Variants in IL23R observed in about 807,000 individuals in gnomAD.
The protein encoded by IL23R is interleukin 23 receptor.
A neutral mutation model predicts 56.9 loss-of-function variants in IL23R; 34 were observed. That is an observed-to-expected ratio of 0.60 (90% CI 0.45 to 0.80). The LOEUF (loss-of-function observed/expected upper bound fraction) is 0.80, where lower values mean the gene tolerates loss of function less well. Among genes scored for constraint, IL23R ranks in the 30% least tolerant of loss-of-function variants. The pLI, the probability that IL23R is intolerant of heterozygous loss-of-function variation, is 0.00. For synonymous variants in IL23R, 230 were observed against 249.2 expected, an observed-to-expected ratio of 0.92 and a Z score of 0.73; for missense variants, 635 against 730.0, an observed-to-expected ratio of 0.87 and a Z score of 1.50.
chr1:67,171,496 G>A (rs753316979), intron 3 of IL23R, among the ~76,000 whole-genome samples: 2 of 152,134 alleles, frequency 1.3e-5, no homozygotes, highest in African/African-American at 2.4e-5. Flanking sequence ...TGTAAGGTAG[G>A]AACAAGAAAT....
chr1:67,139,676 C>A (rs1646617004), intron 1 of IL23R, among the ~76,000 whole-genome samples: 1 of 152,164 alleles, frequency 6.6e-6, no homozygotes, highest in African/African-American at 2.4e-5. Flanking sequence ...ACTTTAATCT[C>A]CAGTGTGGCA....
chr1:67,191,983 A>G (rs1647785763), intron 4 of IL23R, among the ~76,000 whole-genome samples: 1 of 152,174 alleles, frequency 6.6e-6, no homozygotes, highest in Admixed American at 6.5e-5. Context: ...AAAAGACACT[A>G]GGGAAGATTA....
At chr1:67,175,035 C>G (rs1646989992) in intron 3 of IL23R, among the ~76,000 whole-genome samples, 1 of 151,820 alleles carries the variant, frequency 6.6e-6, no homozygotes. Flanking sequence ...TGTTCATTCC[C>G]AAAGGCACAC....
chr1:67,146,456 A>G (rs1646680545), intron 1 of IL23R, among the ~76,000 whole-genome samples: 1 of 152,028 alleles, frequency 6.6e-6, no homozygotes, highest in African/African-American at 2.4e-5. Flanking sequence ...AGCCTTTAAT[A>G]TTTACCCATA....
chr1:67,259,678 A>G lies in IL23R; in HGVS notation c.*550A>G, dbSNP rs1653134494. 1 of 159,878 alleles carries G rather than the reference A, an allele frequency of 6.3e-6. No individual in the cohort carries two copies. Among genetic ancestry groups the G allele is most frequent in the African/African-American group, 2.4e-5 (1 of 41,466 alleles). The allele number at this position is 159,878 out of a possible 1,614,324, so 9.9% of individuals were successfully genotyped here. ...GAAAATTTTCCTTTAAAATAGAATC[A>G]TTAGGCCAGGCGTGGTGGCTCATGC... On this transcript the variant is annotated 3_prime_UTR_variant, in exon 11 of 11. Transcript: ENST00000347310.
chr1:67,200,595 G>C, intron 4 of IL23R, 142 bp from the exon 5 acceptor site: 1 of 686,882 alleles, frequency 1.5e-6, no homozygotes. Context: ...ATGTTGGCCA[G>C]GCTGGTCTCG....
At chr1:67,222,027 T>C (rs570807519) in intron 7 of IL23R, among the ~76,000 whole-genome samples, 1 of 148,996 alleles carries the variant, frequency 6.7e-6, no homozygotes, top group Non-Finnish European at 1.5e-5. Flanking sequence ...TAAAAATAAA[T>C]AGAAATTAAA....
intron 8 of IL23R, among the ~76,000 whole-genome samples, chr1:67,238,706 T>C (rs905544896): frequency 7.9e-5 from 12 of 152,200 alleles, no homozygotes; most frequent in African/African-American, 2.9e-4. Context: ...TAGACCCCTT[T>C]GCCGAGCACT....
upstream of IL23R, among the ~76,000 whole-genome samples, chr1:67,166,096 AT>A: frequency 6.6e-6 from 1 of 152,364 alleles, no homozygotes; most frequent in East Asian, 1.9e-4. Context: ...CATCAATTAT[AT>A]TTCAACAAAG....
intron 5 of IL23R, among the ~76,000 whole-genome samples, chr1:67,201,708 A>T (rs1233875744): frequency 1.3e-5 from 2 of 152,182 alleles, no homozygotes; most frequent in Non-Finnish European, 2.9e-5. Context: ...GAAAAGTTTT[A>T]CAAAATACAT....
chr1:67,169,382 A>G lies in IL23R; in HGVS notation c.111A>G (p.Glu37=), dbSNP rs762697123. The G allele has an allele frequency of 6.2e-7, 1 of 1,613,394 alleles. No individual in the cohort carries two copies. Among genetic ancestry groups the G allele is most frequent in the South Asian group, 1.1e-5 (1 of 90,992 alleles). Residue 37 remains glutamate, a synonymous_variant, in exon 3 of 11, where the codon GAA becomes GAG. Transcript: ENST00000347310. ...ACTGCTCTGGCCACATCTGGGTAGA[A>G]CCAGCCACAATTTTTAAGATGGGTA... is the stretch of plus-strand genomic sequence containing the variant. The part of the protein sequence containing the change: ...NINCSGHIWV[E]PATIFKMGMN...
chr1:67,204,094 C>G (rs1039904815), intron 5 of IL23R, among the ~76,000 whole-genome samples: 2 of 152,012 alleles, frequency 1.3e-5, no homozygotes, highest in African/African-American at 2.4e-5. Flanking sequence ...GACGGAGTCT[C>G]GCTCTGTCGC....
At position 67,207,073 on chromosome 1, in the gene IL23R, TA is replaced by T. The variant is rs1649121728; in HGVS notation, c.798+19del. ...CTTGGAATGTAAGCTCAACTTTCAT[TA>T]TGCTTTAGCATGTGAATGAATGATT... On this transcript the variant is annotated intron_variant, in intron 6 of 10. Coordinates refer to ENST00000347310, the MANE Select transcript of IL23R (RefSeq NM_144701.3). 1.2e-6 allele frequency: 2 copies of T among 1,613,312 alleles called. No individual in the cohort carries two copies. Among genetic ancestry groups the T allele is most frequent in the Admixed American group, 1.7e-5 (1 of 60,016 alleles).
intron 1 of IL23R, among the ~76,000 whole-genome samples, chr1:67,166,828 T>C (rs1646878681): frequency 6.6e-6 from 1 of 152,222 alleles, no homozygotes. Flanking sequence ...CCTATATTTC[T>C]GAGCCAAGGG....
chr1:67,204,321 C>G (rs1457014139), intron 5 of IL23R, among the ~76,000 whole-genome samples: 2 of 152,092 alleles, frequency 1.3e-5, no homozygotes, highest in Admixed American at 6.5e-5. Context: ...CCTCGACCTC[C>G]CGATACTTTT....
At chr1:67,263,939 A>G (rs554621001), downstream of IL23R, among the ~76,000 whole-genome samples, 1 of 151,966 alleles carries the variant, frequency 6.6e-6, no homozygotes, top group East Asian at 1.9e-4. Flanking sequence ...GTTGAAACAG[A>G]CCTTGGAGGT....
intron 8 of IL23R, among the ~76,000 whole-genome samples, chr1:67,239,235 G>C (rs546496653): frequency 9.9e-5 from 15 of 152,210 alleles, no homozygotes; most frequent in Middle Eastern, 3.4e-3. Flanking sequence ...ACTCAACTTT[G>C]ACATGCAAGA....
upstream of IL23R, among the ~76,000 whole-genome samples, chr1:67,161,842 G>C (rs937231200): frequency 2.5e-4 from 38 of 152,012 alleles, 1 homozygote; most frequent in Middle Eastern, 3.4e-3. Context: ...TGGCCAGGAT[G>C]GTCTCGATTT....
intron 1 of IL23R, among the ~76,000 whole-genome samples, chr1:67,144,584 T>C (rs1033512843): frequency 2.0e-5 from 3 of 152,238 alleles, no homozygotes; most frequent in Admixed American, 1.3e-4. Context: ...ATCTTTGAAC[T>C]AAATGTGAAA....
Sources: allele counts gnomAD v4.1 joint callset (sites outside exome capture counted in the v4.1 genomes callset), GRCh38; gene constraint gnomAD v4.1.1; transcripts MANE v1.5; gene names NCBI Gene and HGNC (gene_info 2026-07-23, HGNC 2026-07-21).